The following LYPLAL1 variants were observed in gnomAD, a reference collection of about 807,000 sequenced individuals.
LYPLAL1 encodes the protein lysophospholipase like 1, also known as lysophospholipase-like protein 1.
In LYPLAL1, 23 loss-of-function variants were observed where a neutral mutation model predicts 19.7. The observed-to-expected ratio is 1.17, with a 90% confidence interval of 0.84 to 1.65. LYPLAL1 has a LOEUF of 1.65. Ranked by LOEUF, LYPLAL1 falls within the 40% of genes most tolerant of loss-of-function variation. The probability of loss-of-function intolerance (pLI) is 0.00; values close to 1 mark genes in which losing one functional copy is unlikely to be tolerated. For missense variants in LYPLAL1, 355 were observed against 279.4 expected (o/e 1.27, Z -1.93); for synonymous variants, 119 against 96.3 (o/e 1.24, Z -1.38).
the LYPLAL1 span, among the ~76,000 whole-genome samples, chr1:219,359,476 A>G: frequency 6.6e-6 from 1 of 152,242 alleles, no homozygotes; most frequent in Non-Finnish European, 1.5e-5. Flanking sequence ...TGGAGAAAAC[A>G]GAAGCAGATA....
chr1:219,385,980 C>T, the LYPLAL1 span, among the ~76,000 whole-genome samples: 1 of 152,112 alleles, frequency 6.6e-6, no homozygotes, highest in African/African-American at 2.4e-5. Flanking sequence ...GCCCTGAGAC[C>T]TCCAAACTAT....
At chr1:219,428,250 A>T in the LYPLAL1 span, among the ~76,000 whole-genome samples, 2 of 152,334 alleles carry the variant, frequency 1.3e-5, no homozygotes, top group African/African-American at 4.8e-5. Context: ...CCATTTGCAT[A>T]AGTGTTTCCA....
the LYPLAL1 span, among the ~76,000 whole-genome samples, chr1:219,352,802 T>G: frequency 6.6e-6 from 1 of 152,226 alleles, no homozygotes; most frequent in African/African-American, 2.4e-5. Flanking sequence ...ATCCAGTGTT[T>G]GGCTTACTAC....
the LYPLAL1 span, among the ~76,000 whole-genome samples, chr1:219,426,564 T>C: frequency 6.6e-6 from 1 of 152,024 alleles, no homozygotes; most frequent in Non-Finnish European, 1.5e-5. Flanking sequence ...ATATTTTATA[T>C]CTCACATAAT....
the LYPLAL1 span, among the ~76,000 whole-genome samples, chr1:219,325,140 T>C: frequency 2.0e-5 from 3 of 152,210 alleles, no homozygotes; most frequent in Non-Finnish European, 4.4e-5. Context: ...TGCCGAGCAG[T>C]GGGTCAGGCC....
the LYPLAL1 span, among the ~76,000 whole-genome samples, chr1:219,223,920 T>C: frequency 6.6e-6 from 1 of 152,170 alleles, no homozygotes; most frequent in Non-Finnish European, 1.5e-5. Flanking sequence ...GGCATAGTAT[T>C]ACTTTAGTTA....
the LYPLAL1 span, among the ~76,000 whole-genome samples, chr1:219,311,674 C>T: frequency 2.6e-5 from 4 of 151,860 alleles, no homozygotes; most frequent in African/African-American, 9.7e-5. Flanking sequence ...TACATTTAAT[C>T]TTTCTCATAG....
the LYPLAL1 span, among the ~76,000 whole-genome samples, chr1:219,230,429 T>C: frequency 1.3e-5 from 2 of 152,164 alleles, no homozygotes; most frequent in African/African-American, 2.4e-5. Context: ...ATCTTGCAAT[T>C]TGATTGACTT....
chr1:219,429,758 T>A, the LYPLAL1 span, among the ~76,000 whole-genome samples: 2 of 152,240 alleles, frequency 1.3e-5, no homozygotes, highest in Non-Finnish European at 2.9e-5. Context: ...CAATTTAATC[T>A]GAATTCATTA....
At chr1:219,419,778 C>A in the LYPLAL1 span, among the ~76,000 whole-genome samples, 1 of 152,098 alleles carries the variant, frequency 6.6e-6, no homozygotes, top group Non-Finnish European at 1.5e-5. Context: ...AGGACATCAC[C>A]AACAATAGCA....
At chr1:219,225,081 C>T in the LYPLAL1 span, among the ~76,000 whole-genome samples, 1 of 152,086 alleles carries the variant, frequency 6.6e-6, no homozygotes, top group Non-Finnish European at 1.5e-5. Flanking sequence ...TTTATTCTCT[C>T]TCTGGCTGAG....
At chr1:219,415,225 G>T in the LYPLAL1 span, among the ~76,000 whole-genome samples, 1 of 152,126 alleles carries the variant, frequency 6.6e-6, no homozygotes, top group South Asian at 2.1e-4. Flanking sequence ...AATAGAAAAA[G>T]ACATAGAACC....
At chr1:219,200,662 CA>C in intron 3 of LYPLAL1, 8 of 229,862 alleles carry the variant, frequency 3.5e-5, no homozygotes, top group Non-Finnish European at 3.6e-5. Flanking sequence ...CACGATCTGT[CA>C]AAAACCACAA....
At chr1:219,309,492 A>G in the LYPLAL1 span, among the ~76,000 whole-genome samples, 6 of 152,114 alleles carry the variant, frequency 3.9e-5, no homozygotes, top group African/African-American at 7.2e-5. Flanking sequence ...GTCCCCACCC[A>G]TATCTCATCT....
chr1:219,215,590 CTG>C (rs939672159), downstream of LYPLAL1, among the ~76,000 whole-genome samples: 3 of 152,124 alleles, frequency 2.0e-5, no homozygotes, highest in Admixed American at 1.3e-4. Context: ...ACTTCTCTCT[CTG>C]TGCAGTTCAC....
At chr1:219,408,332 G>A in the LYPLAL1 span, among the ~76,000 whole-genome samples, 1 of 152,164 alleles carries the variant, frequency 6.6e-6, no homozygotes, top group Non-Finnish European at 1.5e-5. Context: ...TTCCTTGAGA[G>A]AGAAGAAACT....
the LYPLAL1 span, among the ~76,000 whole-genome samples, chr1:219,239,343 G>A: frequency 2.0e-5 from 3 of 152,206 alleles, no homozygotes; most frequent in East Asian, 1.9e-4. Flanking sequence ...TCCAGCACAG[G>A]TCCTGGTACA....
At chr1:219,371,653 T>C in the LYPLAL1 span, among the ~76,000 whole-genome samples, 1 of 152,240 alleles carries the variant, frequency 6.6e-6, no homozygotes, top group Non-Finnish European at 1.5e-5. Context: ...TTTTGAGTTT[T>C]GGCCAATCAA....
chr1:219,350,110 T>A, the LYPLAL1 span, among the ~76,000 whole-genome samples: 1 of 152,170 alleles, frequency 6.6e-6, no homozygotes, highest in South Asian at 2.1e-4. Context: ...TCAAATTAAT[T>A]TGTGTGGATA....
Sources: gnomAD v4.1 joint callset for allele counts (sites outside exome capture counted in the v4.1 genomes callset) on GRCh38, gnomAD v4.1.1 for gene constraint, MANE v1.5 for transcripts, NCBI Gene and HGNC (gene_info 2026-07-23, HGNC 2026-07-21) for gene names.